CPVL: variants seen among roughly 807,000 people sequenced by gnomAD.
CPVL encodes probable serine carboxypeptidase CPVL.
Under a neutral mutation model 63.7 loss-of-function variants are expected in CPVL, and 51 were observed. That is an observed-to-expected ratio of 0.80 (90% CI 0.64 to 1.01). CPVL has a LOEUF of 1.01. CPVL is among the 50% of genes least tolerant of loss of function. The pLI is 0.00. For missense variants in CPVL, 530 were observed against 573.1 expected (o/e 0.92, Z 0.77); for synonymous variants, 195 against 206.0 (o/e 0.95, Z 0.46).
At chr7:29,044,567 A>C (rs1789434699) in intron 11 of CPVL, among the ~76,000 whole-genome samples, 1 of 152,210 alleles carries the variant, frequency 6.6e-6, no homozygotes, top group Non-Finnish European at 1.5e-5. Context: ...CCAGTGGCCC[A>C]GTCTTTTAAA....
intron 12 of CPVL, among the ~76,000 whole-genome samples, chr7:29,000,541 G>A (rs1358264228): frequency 2.0e-5 from 3 of 152,036 alleles, no homozygotes; most frequent in Non-Finnish European, 4.4e-5. Flanking sequence ...GTGAAGCTGC[G>A]GGCGCATGCA....
intron 11 of CPVL, among the ~76,000 whole-genome samples, chr7:29,048,498 A>T (rs1789837432): frequency 6.6e-6 from 1 of 152,168 alleles, no homozygotes; most frequent in African/African-American, 2.4e-5. Context: ...GCCTAAACAC[A>T]TATGCACCTA....
At chr7:29,114,738 C>T (rs1022375355) in intron 2 of CPVL, among the ~76,000 whole-genome samples, 1 of 152,186 alleles carries the variant, frequency 6.6e-6, no homozygotes, top group African/African-American at 2.4e-5. Context: ...TGGTGACCCA[C>T]CATACAGGCA....
intron 12 of CPVL, among the ~76,000 whole-genome samples, chr7:29,007,850 G>A (rs1785356316): frequency 1.3e-5 from 2 of 152,178 alleles, no homozygotes; most frequent in South Asian, 4.1e-4. Flanking sequence ...CATTTACTCA[G>A]TGCCAAGAAC....
At chr7:29,042,872 C>G (rs1046392029) in intron 11 of CPVL, among the ~76,000 whole-genome samples, 1 of 152,212 alleles carries the variant, frequency 6.6e-6, no homozygotes, top group Admixed American at 6.5e-5. Context: ...CGGATATGGA[C>G]AGTGGACGGG....
At chr7:28,998,282 G>T (rs564522286) in intron 12 of CPVL, among the ~76,000 whole-genome samples, 1 of 152,292 alleles carries the variant, frequency 6.6e-6, no homozygotes, top group Admixed American at 6.5e-5. Flanking sequence ...AATGAGTTTG[G>T]CAGCAATGGT....
intron 5 of CPVL, among the ~76,000 whole-genome samples, chr7:29,168,087 A>G (rs1562804556): frequency 6.6e-6 from 1 of 152,198 alleles, no homozygotes; most frequent in Non-Finnish European, 1.5e-5. Flanking sequence ...GGTGGCAACA[A>G]TATTACCTAG....
upstream of CPVL, chr7:29,147,165 G>A: frequency 1.5e-6 from 1 of 680,110 alleles, no homozygotes; most frequent in Non-Finnish European, 2.4e-6. Flanking sequence ...CCAGGTGCTG[G>A]GCATCGAGCC....
In CPVL at chr7:29,136,470, G is replaced by A. The variant is rs564280764; in HGVS notation, c.-11+9959C>T. Among the ~76,000 whole-genome samples the A allele has an allele frequency of 6.6e-5, 10 of 152,134 alleles. No homozygotes were observed. In the South Asian group the frequency reaches 1.7e-3, roughly 25 times the overall value. On this transcript the variant is annotated intron_variant, in intron 1 of 12. Coordinates refer to ENST00000265394, the MANE Select transcript of CPVL (RefSeq NM_031311.5). ...AGGTTGGAGGGTAGGAAAGTCAGGA[G>A]GTAAGGTATGTAAAAGTGGTGAATT... is the stretch of plus-strand genomic sequence containing the variant.
At chr7:28,997,352 G>C (rs2128121269) in intron 12 of CPVL, among the ~76,000 whole-genome samples, 1 of 152,332 alleles carries the variant, frequency 6.6e-6, no homozygotes, top group Middle Eastern at 3.4e-3. Flanking sequence ...CTTCCTAAGA[G>C]GCTGGGTTCT....
chr7:29,105,768 G>C (rs1787661227), intron 3 of CPVL, among the ~76,000 whole-genome samples: 1 of 152,156 alleles, frequency 6.6e-6, no homozygotes, highest in Non-Finnish European at 1.5e-5. Flanking sequence ...CAAAAGTGAA[G>C]ATGAAACACC....
chr7:29,183,388 T>C (rs977535614), intron 4 of CPVL, among the ~76,000 whole-genome samples: 9 of 149,604 alleles, frequency 6.0e-5, no homozygotes, highest in African/African-American at 2.2e-4. Context: ...CTAGCCTTTT[T>C]TTTTTTGAGA....
chr7:29,110,636 T>C (rs963551094), intron 3 of CPVL, among the ~76,000 whole-genome samples: 3 of 152,210 alleles, frequency 2.0e-5, no homozygotes, highest in African/African-American at 7.2e-5. Context: ...TCTAGGCAAA[T>C]GTTCAAGTAT....
At chr7:29,142,528 C>CTACTT (rs1792003382) in intron 1 of CPVL, among the ~76,000 whole-genome samples, 1 of 127,632 alleles carries the variant, frequency 7.8e-6, no homozygotes, top group South Asian at 2.6e-4. Flanking sequence ...CTTCCAGATA[C>CTACTT]TTTTTTTTTT....
At chr7:29,085,595 A>AT (rs1785122869) in intron 7 of CPVL, among the ~76,000 whole-genome samples, 1 of 152,202 alleles carries the variant, frequency 6.6e-6, no homozygotes, top group Non-Finnish European at 1.5e-5. Context: ...ACTGGATGGC[A>AT]TTTTTTGAGG....
At chr7:29,173,586 G>A (rs909038949) in intron 5 of CPVL, among the ~76,000 whole-genome samples, 26 of 152,088 alleles carry the variant, frequency 1.7e-4, no homozygotes, top group African/African-American at 5.6e-4. Flanking sequence ...TCTCTAATGA[G>A]AGGCAGGATA....
chr7:29,022,367 C>T (rs1367570247), intron 12 of CPVL, among the ~76,000 whole-genome samples: 1 of 152,072 alleles, frequency 6.6e-6, no homozygotes, highest in African/African-American at 2.4e-5. Flanking sequence ...CCACTGGTGC[C>T]CACATACATC....
intron 6 of CPVL, among the ~76,000 whole-genome samples, chr7:29,089,886 G>C (rs1001904769): frequency 6.7e-6 from 1 of 150,338 alleles, no homozygotes; most frequent in African/African-American, 2.5e-5. Flanking sequence ...AATTGAGATG[G>C]AGTTTCGCTC....
intron 5 of CPVL, among the ~76,000 whole-genome samples, chr7:29,093,287 G>C (rs1786020958): frequency 7.1e-6 from 1 of 140,050 alleles, no homozygotes; most frequent in African/African-American, 2.8e-5. Flanking sequence ...TGAGGCATAA[G>C]AATCACCTGA....
Sources: allele counts gnomAD v4.1 joint callset (sites outside exome capture counted in the v4.1 genomes callset), GRCh38; gene constraint gnomAD v4.1.1; transcripts MANE v1.5; gene names NCBI Gene and HGNC (gene_info 2026-07-23, HGNC 2026-07-21).